The following TASOR variants were observed in gnomAD, a reference collection of about 807,000 sequenced individuals.
TASOR encodes the protein protein TASOR.
Under a neutral mutation model 178.6 loss-of-function variants are expected in TASOR, and 53 were observed. The observed-to-expected ratio is 0.30, with a 90% CI of 0.24 to 0.37. TASOR has a LOEUF of 0.37. TASOR is among the 10% of genes least tolerant of loss of function. The probability of loss-of-function intolerance (pLI) is 1.00; values close to 1 mark genes in which losing one functional copy is unlikely to be tolerated. For missense variants in TASOR, 1,815 were observed against 1,971.4 expected, an observed-to-expected ratio of 0.92 and a Z score of 1.50; for synonymous variants, 713 against 696.2, an observed-to-expected ratio of 1.02 and a Z score of -0.38.
intron 17 of TASOR, among the ~76,000 whole-genome samples, chr3:56,636,265 G>C (rs1211273121): frequency 6.7e-6 from 1 of 148,292 alleles, no homozygotes. Flanking sequence ...CTGGGCAACA[G>C]AGCAAGATTC....
intron 17 of TASOR, among the ~76,000 whole-genome samples, chr3:56,634,650 G>C (rs781633245): frequency 3.9e-5 from 6 of 152,076 alleles, no homozygotes; most frequent in Non-Finnish European, 8.8e-5. Context: ...TTTTCCTTTT[G>C]TTTGGAAATA....
rs1206796172 is a variant in TASOR, at chr3:56,661,678, A to C, written c.1161-661T>G. On this transcript the variant is annotated intron_variant, in intron 9 of 23. Coordinates refer to ENST00000683822, the MANE Select transcript of TASOR (RefSeq NM_001365635.2). ...ATACCAACATATGCTGCATAGGACTAAAAACAGCCTATATATTTTAACTCA... is the reference window on the plus strand; with the variant it reads ...ATACCAACATATGCTGCATAGGACTCAAAACAGCCTATATATTTTAACTCA... Among the ~76,000 whole-genome samples the C allele has an allele frequency of 2.6e-5, 4 of 152,346 alleles. No homozygotes were observed. The East Asian group carries it at 7.7e-4, about 29-fold the overall frequency.
At chr3:56,655,334 A>C (rs1004569080) in intron 11 of TASOR, among the ~76,000 whole-genome samples, 3 of 152,214 alleles carry the variant, frequency 2.0e-5, no homozygotes, top group Non-Finnish European at 4.4e-5. Context: ...TCTGCAGAAG[A>C]TATATTACAA....
intron 11 of TASOR, among the ~76,000 whole-genome samples, chr3:56,659,944 G>A (rs1363433011): frequency 6.6e-6 from 1 of 151,308 alleles, no homozygotes; most frequent in Non-Finnish European, 1.5e-5. Flanking sequence ...GTACGATCTT[G>A]GCTCACCACA....
Position 56,646,722 on chromosome 3 carries a change from T to A in TASOR, c.2015A>T (p.His672Leu). The change falls in exon 14 of 24, where the codon CAT (histidine) becomes CTT (leucine). Residue 672 changes from histidine (H) to leucine (L), a missense_variant. By Grantham distance (99) the His-to-Leu change is moderately conservative (BLOSUM62 -3). Coordinates refer to ENST00000683822, the MANE Select transcript of TASOR (RefSeq NM_001365635.2). ...AIISGKQRSS[H>L]SLDYDKDRVK... is the part of the protein sequence containing the mutation. ...TCTATCCTTATCATAATCCAAAGAA[T>A]GAGATGATCTTTGCTTTCCAGATAT... The A allele has an allele frequency of 6.2e-7, 1 of 1,613,034 alleles. No individual in the cohort carries two copies. The highest frequency in any genetic ancestry group is 8.5e-7 in the Non-Finnish European group (1 of 1,179,150).
intron 18 of TASOR, among the ~76,000 whole-genome samples, chr3:56,632,152 CTGTT>C (rs563011611): frequency 2.2e-4 from 33 of 152,068 alleles, no homozygotes; most frequent in Non-Finnish European, 3.7e-4. Context: ...CTTTTCCTCT[CTGTT>C]TTTTTCCCTC....
intron 22 of TASOR, 42 bp from the exon 23 acceptor site, chr3:56,624,685 A>G (rs376621565): frequency 4.9e-5 from 78 of 1,580,958 alleles, no homozygotes; most frequent in Middle Eastern, 1.8e-4. Flanking sequence ...ACACTTCAAA[A>G]TATAGACAGC....
chr3:56,667,325 G>A (rs1375990688), intron 6 of TASOR, among the ~76,000 whole-genome samples: 1 of 152,234 alleles, frequency 6.6e-6, no homozygotes, highest in East Asian at 1.9e-4. Flanking sequence ...TTCACAAGCA[G>A]TCTATTTGGT....
chr3:56,668,649 T>C (rs2030318667), intron 5 of TASOR, 91 bp from the exon 6 acceptor site: 1 of 961,344 alleles, frequency 1.0e-6, no homozygotes, highest in East Asian at 2.8e-5. Context: ...TGAATATAGA[T>C]CAACTATCCC....
intron 5 of TASOR, 25 bp downstream of exon 5, chr3:56,669,675 C>A (rs2030466731): frequency 7.2e-7 from 1 of 1,387,318 alleles, no homozygotes; most frequent in Non-Finnish European, 9.9e-7. Flanking sequence ...GTTTTTCATA[C>A]ATGAAGTGTG....
intron 11 of TASOR, among the ~76,000 whole-genome samples, chr3:56,656,584 C>G (rs1423957007): frequency 6.6e-6 from 1 of 151,792 alleles, no homozygotes; most frequent in Admixed American, 6.6e-5. Flanking sequence ...GAGCGAGACT[C>G]TGTCCCCCGC....
At position 56,633,444 on chromosome 3, in the gene TASOR, A is replaced by G. The variant is rs761822439; in HGVS notation, c.3347T>C (p.Leu1116Pro). 3.1e-6 allele frequency: 5 copies of G among 1,614,134 alleles called. No homozygotes were observed. The highest frequency in any genetic ancestry group is 4.2e-6 in the Non-Finnish European group (5 of 1,179,990). The change falls in exon 18 of 24, where the codon CTG becomes CCG. Residue 1116 changes from leucine to proline, a missense_variant. Transcript: ENST00000683822. ...DSGAKIASNP[L>P]ERHVIPVSSS... ...GGAAACTGGTATGACATGCCTTTCCAGAGGATTCGATGCTATCTTAGCACC... is the reference window on the plus strand; with the variant it reads ...GGAAACTGGTATGACATGCCTTTCCGGAGGATTCGATGCTATCTTAGCACC...
At chr3:56,647,250 AG>A in intron 13 of TASOR, 27 bp from the exon 14 acceptor site, 1 of 1,496,398 alleles carries the variant, frequency 6.7e-7, no homozygotes, top group Non-Finnish European at 8.9e-7. Flanking sequence ...CAAACAAAAA[AG>A]CAAACCATGT....
intron 11 of TASOR, among the ~76,000 whole-genome samples, chr3:56,649,534 G>A (rs2077306190): frequency 6.6e-6 from 1 of 152,210 alleles, no homozygotes; most frequent in African/African-American, 2.4e-5. Flanking sequence ...CTTTTCACAT[G>A]TAAGGGAATT....
At position 56,638,689 on chromosome 3, in the gene TASOR, A is replaced by G; in HGVS notation, c.2824+17T>C. ...AGAAGGGCACACTGGGAAGAAAAGCAAAGCAAGCCTTCTCACCTGGTGTTT... is the reference window on the plus strand; with the variant it reads ...AGAAGGGCACACTGGGAAGAAAAGCGAAGCAAGCCTTCTCACCTGGTGTTT... On this transcript the variant is annotated intron_variant, in intron 17 of 23. Transcript: ENST00000683822. 1.2e-6 allele frequency: 2 copies of G among 1,614,086 alleles called. No individual in the cohort carries two copies. Among genetic ancestry groups the G allele is most frequent in the South Asian group, 1.1e-5 (1 of 91,080 alleles).
chr3:56,677,451 T>A (rs768977103), intron 1 of TASOR, among the ~76,000 whole-genome samples: 1 of 152,222 alleles, frequency 6.6e-6, no homozygotes, highest in Non-Finnish European at 1.5e-5. Flanking sequence ...AACTACACTA[T>A]GAAGTTCAAC....
intron 11 of TASOR, among the ~76,000 whole-genome samples, chr3:56,658,821 C>A (rs557159072): frequency 6.6e-6 from 1 of 151,966 alleles, no homozygotes; most frequent in Non-Finnish European, 1.5e-5. Context: ...GCAGGAGAAT[C>A]GCTTGAACCC....
intron 11 of TASOR, among the ~76,000 whole-genome samples, chr3:56,657,952 T>C (rs558020969): frequency 6.6e-6 from 1 of 152,354 alleles, no homozygotes; most frequent in South Asian, 2.1e-4. Flanking sequence ...TAGGCCTGCA[T>C]GCCCTAGGGA....
At chr3:56,637,320 G>A (rs147706173) in intron 17 of TASOR, among the ~76,000 whole-genome samples, 1,871 of 152,272 alleles carry the variant, frequency 0.012, 46 homozygotes, top group African/African-American at 0.042. Flanking sequence ...TCAGGAGTTC[G>A]AGACTAGCCT....
Sources: gnomAD v4.1 joint callset for allele counts (sites outside exome capture counted in the v4.1 genomes callset) on GRCh38, gnomAD v4.1.1 for gene constraint, MANE v1.5 for transcripts, NCBI Gene and HGNC (gene_info 2026-07-23, HGNC 2026-07-21) for gene names.